The following ITGA11 variants were observed in gnomAD, a reference collection of about 807,000 sequenced individuals.
The protein encoded by ITGA11 is integrin alpha-11.
A neutral mutation model predicts 141.9 loss-of-function variants in ITGA11; 97 were observed. That is an observed-to-expected ratio of 0.68 (90% CI 0.58 to 0.81). The LOEUF (loss-of-function observed/expected upper bound fraction) is 0.81. Among genes scored for constraint, ITGA11 ranks in the 30% least tolerant of loss-of-function variants. The pLI is 0.00. For missense variants in ITGA11, 1,387 were observed against 1,559.2 expected, an observed-to-expected ratio of 0.89 and a Z score of 1.86; for synonymous variants, 658 against 624.6, an observed-to-expected ratio of 1.05 and a Z score of -0.80.
intron 11 of ITGA11, among the ~76,000 whole-genome samples, chr15:68,338,016 C>A (rs373604228): frequency 1.2e-4 from 19 of 152,188 alleles, no homozygotes; most frequent in African/African-American, 3.9e-4. Context: ...CCAACCACAT[C>A]GTTTCTCTGA....
In ITGA11 at chr15:68,312,882, G is replaced by T; in HGVS notation, c.2883-19C>A. The T allele has an allele frequency of 6.4e-7, 1 of 1,573,066 alleles. No homozygotes were observed. Among genetic ancestry groups the T allele is most frequent in the Non-Finnish European group, 8.7e-7 (1 of 1,143,796 alleles). ...GCTGCTCCTGCGGAGACAGAGGACA[G>T]GGCTGTCGTGAGCTCAGTCAGGGCT... On this transcript the variant is annotated intron_variant, in intron 23 of 29. Transcript: ENST00000315757.
intron 1 of ITGA11, among the ~76,000 whole-genome samples, chr15:68,408,336 A>G (rs1009745308): frequency 6.6e-6 from 1 of 151,916 alleles, no homozygotes; most frequent in Admixed American, 6.6e-5. Context: ...GTGACTGGTG[A>G]CCTCTCCTTT....
intron 2 of ITGA11, among the ~76,000 whole-genome samples, chr15:68,397,801 T>TAA (rs1896359158): frequency 1.0e-5 from 1 of 99,196 alleles, no homozygotes; most frequent in Non-Finnish European, 1.9e-5. Context: ...TATAAAATTA[T>TAA]TAATAATAAT....
intron 5 of ITGA11, among the ~76,000 whole-genome samples, 173 bp downstream of exon 5, chr15:68,361,417 C>T (rs929947422): frequency 6.6e-6 from 1 of 152,160 alleles, no homozygotes; most frequent in Non-Finnish European, 1.5e-5. Context: ...GATTATGACT[C>T]CCACAGAGGC....
chr15:68,386,249 G>T (rs1227960701), intron 2 of ITGA11, among the ~76,000 whole-genome samples: 1 of 152,160 alleles, frequency 6.6e-6, no homozygotes, highest in Non-Finnish European at 1.5e-5. Context: ...AAGCTTTGGG[G>T]GTGGTAGTGG....
At position 68,313,688 on chromosome 15, in the gene ITGA11, T is replaced by G. The variant is rs1418067348; in HGVS notation, c.2882+91A>C. 4.2e-6 allele frequency: 4 copies of G among 949,198 alleles called. No individual in the cohort carries two copies. The Admixed American group carries it at 6.1e-5, about 15-fold the overall frequency. 58.8% of individuals were successfully genotyped at this position (949,198 alleles called of 1,614,324 possible). Reference sequence around the variant, plus strand: ...CCCTTAGTGCTGGGGTCTGGCCCTATTAGGGCCCATCAGAGGATGCCCCCC... The same window carrying G: ...CCCTTAGTGCTGGGGTCTGGCCCTAGTAGGGCCCATCAGAGGATGCCCCCC... On this transcript the variant is annotated intron_variant, in intron 23 of 29. Transcript: ENST00000315757.
At chr15:68,404,174 T>C (rs1157005912) in intron 1 of ITGA11, among the ~76,000 whole-genome samples, 1 of 151,994 alleles carries the variant, frequency 6.6e-6, no homozygotes, top group Non-Finnish European at 1.5e-5. Flanking sequence ...CCGCCTCCCC[T>C]ATCTGCTGAA....
intron 2 of ITGA11, 140 bp downstream of exon 2, chr15:68,402,778 T>G (rs1896540812): frequency 8.1e-6 from 5 of 613,560 alleles, no homozygotes; most frequent in Non-Finnish European, 1.5e-5. Context: ...GTCTCTGACC[T>G]GCTGGGACAG....
intron 1 of ITGA11, among the ~76,000 whole-genome samples, chr15:68,419,790 T>C (rs1896974010): frequency 6.6e-6 from 1 of 152,242 alleles, no homozygotes; most frequent in Non-Finnish European, 1.5e-5. Flanking sequence ...GCAAGACACT[T>C]GACCTCTCAG....
chr15:68,311,265 A>T (rs778436376), intron 25 of ITGA11, 25 bp downstream of exon 25: 18 of 1,496,448 alleles, frequency 1.2e-5, no homozygotes, highest in Non-Finnish European at 1.6e-5. Flanking sequence ...CCCCTCCCCT[A>T]GCCGGCTCCC....
chr15:68,400,721 ATATAATAAATATTATATAT>A (rs1896466043), intron 2 of ITGA11, among the ~76,000 whole-genome samples: 1 of 22,318 alleles, frequency 4.5e-5, no homozygotes, highest in African/African-American at 2.8e-4. Context: ...ATTATATATT[ATATAATAAATATTATATAT>A]TATATAATAA....
chr15:68,340,556 C>T (rs1894534483), intron 10 of ITGA11, among the ~76,000 whole-genome samples: 1 of 152,158 alleles, frequency 6.6e-6, no homozygotes, highest in Admixed American at 6.6e-5. Flanking sequence ...ACCTCCATGA[C>T]AGCCAGCACC....
intron 1 of ITGA11, among the ~76,000 whole-genome samples, chr15:68,404,329 G>A (rs1896587974): frequency 1.3e-5 from 2 of 152,160 alleles, no homozygotes; most frequent in South Asian, 4.1e-4. Flanking sequence ...GGCCGGGGCA[G>A]CTGAAGCGAG....
At position 68,332,249 on chromosome 15, in the gene ITGA11, C is replaced by T. The variant is rs760506800; in HGVS notation, c.1566+89G>A. ...CCAGGCCTGGCTCCAGCACTGGCCTCGCTAGTAACGCATTTCCGTCGTGGC... is the reference window on the plus strand; with the variant it reads ...CCAGGCCTGGCTCCAGCACTGGCCTTGCTAGTAACGCATTTCCGTCGTGGC... On this transcript the variant is annotated intron_variant, in intron 13 of 29. Transcript: ENST00000315757. 31 of 1,455,606 alleles carry T rather than the reference C, an allele frequency of 2.1e-5. No homozygotes were observed. The Middle Eastern group carries it at 5.2e-4, about 24-fold the overall frequency. 90.2% of individuals were successfully genotyped at this position (1,455,606 alleles called of 1,614,324 possible). A position where few individuals can be genotyped will look rare whatever the true frequency, so the allele number is the denominator to read the frequency against.
At chr15:68,384,544 T>A (rs1240010183) in intron 2 of ITGA11, among the ~76,000 whole-genome samples, 1 of 152,196 alleles carries the variant, frequency 6.6e-6, no homozygotes, top group Non-Finnish European at 1.5e-5. Flanking sequence ...TTTCTTCTTG[T>A]CTGTGTGTGC....
intron 5 of ITGA11, among the ~76,000 whole-genome samples, chr15:68,360,706 TACCCTG>T (rs1895215003): frequency 1.3e-5 from 2 of 152,144 alleles, no homozygotes; most frequent in South Asian, 4.1e-4. Context: ...GCCCCTCACG[TACCCTG>T]ACCTCAGGCC....
intron 20 of ITGA11, among the ~76,000 whole-genome samples, chr15:68,318,626 G>A (rs183415380): frequency 9.9e-5 from 15 of 152,102 alleles, no homozygotes; most frequent in African/African-American, 3.1e-4. Context: ...GAGGAGGAAG[G>A]GGGTACCCGA....
intron 3 of ITGA11, among the ~76,000 whole-genome samples, chr15:68,366,141 C>T (rs1392733782): frequency 1.3e-5 from 2 of 152,074 alleles, no homozygotes; most frequent in East Asian, 1.9e-4. Context: ...TGACTGGGCT[C>T]GATTTCTCTT....
intron 3 of ITGA11, 56 bp downstream of exon 3, chr15:68,369,128 G>T: frequency 1.6e-6 from 2 of 1,283,102 alleles, no homozygotes; most frequent in Non-Finnish European, 2.3e-6. Flanking sequence ...ATCAGAGCCT[G>T]CCTTGTGTTA....
Sources: allele counts gnomAD v4.1 joint callset (sites outside exome capture counted in the v4.1 genomes callset), GRCh38; gene constraint gnomAD v4.1.1; transcripts MANE v1.5; gene names NCBI Gene and HGNC (gene_info 2026-07-23, HGNC 2026-07-21).